Variants in ZCCHC17 observed in about 807,000 individuals in gnomAD.
ZCCHC17 encodes zinc finger CCHC domain-containing protein 17.
Under a neutral mutation model 30.6 loss-of-function variants are expected in ZCCHC17, and 18 were observed. That is an observed-to-expected ratio of 0.59 (90% CI 0.41 to 0.87). The LOEUF is 0.87. ZCCHC17 is among the 40% of genes least tolerant of loss of function. ZCCHC17 has a pLI of 0.00. For synonymous variants in ZCCHC17, 88 were observed against 92.4 expected, an observed-to-expected ratio of 0.95 and a Z score of 0.27; for missense variants, 263 against 284.2, an observed-to-expected ratio of 0.93 and a Z score of 0.54.
intron 5 of ZCCHC17, among the ~76,000 whole-genome samples, chr1:31,341,385 A>G (rs543658806): frequency 1.3e-5 from 2 of 152,330 alleles, no homozygotes; most frequent in African/African-American, 2.4e-5. Flanking sequence ...ATCCAATGCT[A>G]TATGGACTCA....
intron 7 of ZCCHC17, among the ~76,000 whole-genome samples, chr1:31,349,814 G>T: frequency 6.6e-6 from 1 of 152,030 alleles, no homozygotes; most frequent in African/African-American, 2.4e-5. Flanking sequence ...CTACCCTATG[G>T]CTGTATGATG....
intron 1 of ZCCHC17, among the ~76,000 whole-genome samples, chr1:31,297,937 C>T (rs61780093): frequency 5.9e-5 from 9 of 152,180 alleles, no homozygotes; most frequent in Non-Finnish European, 1.2e-4. Context: ...TGAAGCTGTA[C>T]GTGATAGCGG....
At chr1:31,309,495 A>G (rs1569757490) in intron 1 of ZCCHC17, among the ~76,000 whole-genome samples, 1 of 151,932 alleles carries the variant, frequency 6.6e-6, no homozygotes, top group African/African-American at 2.4e-5. Context: ...TTGTATTTTT[A>G]GTAGAGATGG....
At chr1:31,337,352 G>A in intron 4 of ZCCHC17, 77 bp downstream of exon 4, 1 of 1,304,568 alleles carries the variant, frequency 7.7e-7, no homozygotes, top group South Asian at 1.3e-5. Context: ...ATGATAGTGA[G>A]TGTGTAAATT....
At chr1:31,321,702 A>G (rs942084679) in intron 3 of ZCCHC17, among the ~76,000 whole-genome samples, 15 of 152,178 alleles carry the variant, frequency 9.9e-5, no homozygotes, top group Non-Finnish European at 2.1e-4. Context: ...CCTGTCCTCC[A>G]GTAATCTGCC....
chr1:31,352,429 G>A (rs1639500801), intron 7 of ZCCHC17, among the ~76,000 whole-genome samples: 1 of 152,174 alleles, frequency 6.6e-6, no homozygotes, highest in Admixed American at 6.5e-5. Flanking sequence ...AAGTTCATCT[G>A]CATCATAGCA....
chr1:31,329,500 T>C (rs1638493982), intron 3 of ZCCHC17, among the ~76,000 whole-genome samples: 1 of 152,356 alleles, frequency 6.6e-6, no homozygotes, highest in East Asian at 1.9e-4. Flanking sequence ...CAAATAATTA[T>C]TGAGTTCTAT....
intron 2 of ZCCHC17, among the ~76,000 whole-genome samples, chr1:31,315,569 C>T (rs1048386959): frequency 6.6e-6 from 1 of 152,002 alleles, no homozygotes; most frequent in African/African-American, 2.4e-5. Flanking sequence ...TAGCATTGGA[C>T]TAGAAGTAAA....
Position 31,337,256 on chromosome 1 carries a change from T to C in ZCCHC17, c.206T>C (p.Val69Ala). 1.9e-6 allele frequency: 3 copies of C among 1,614,112 alleles called. No individual in the cohort carries two copies. Among genetic ancestry groups the C allele is most frequent in the Non-Finnish European group, 2.5e-6 (3 of 1,179,994 alleles). ...EIVDVGDKVW[V>A]KLIGREMKND... ...GTAGATGTTGGAGATAAAGTGTGGG[T>C]GAAGCTTATTGGCCGAGAGGTAAAG... The change falls in exon 4 of 8, where the codon GTG (valine) becomes GCG (alanine). Residue 69 changes from valine (V) to alanine (A), a missense_variant. Val to Ala is a moderately conservative substitution (Grantham distance 64, BLOSUM62 0). Coordinates refer to ENST00000344147, the MANE Select transcript of ZCCHC17 (RefSeq NM_016505.4).
At chr1:31,335,406 C>T (rs12136523) in intron 3 of ZCCHC17, among the ~76,000 whole-genome samples, 19,974 of 152,202 alleles carry the variant, frequency 0.13, 1,454 homozygotes, top group Non-Finnish European at 0.15. Context: ...GACAAAGTCT[C>T]GCTCTGTCAC....
At chr1:31,302,895 G>A (rs781351078) in intron 1 of ZCCHC17, among the ~76,000 whole-genome samples, 2 of 152,188 alleles carry the variant, frequency 1.3e-5, no homozygotes, top group Non-Finnish European at 2.9e-5. Context: ...CCAACATGTG[G>A]GGATTACAGT....
At chr1:31,342,826 G>C (rs1035270235) in intron 5 of ZCCHC17, among the ~76,000 whole-genome samples, 2 of 152,198 alleles carry the variant, frequency 1.3e-5, no homozygotes, top group African/African-American at 4.8e-5. Context: ...TTGATGGTCA[G>C]AGAATAGGTG....
At chr1:31,347,083 A>G (rs1168157901) in intron 6 of ZCCHC17, among the ~76,000 whole-genome samples, 1 of 152,312 alleles carries the variant, frequency 6.6e-6, no homozygotes, top group Middle Eastern at 3.4e-3. Flanking sequence ...AAGGATGATG[A>G]TTCTGCAAAA....
intron 7 of ZCCHC17, among the ~76,000 whole-genome samples, chr1:31,362,792 AG>A (rs34143418): frequency 6.6e-6 from 1 of 152,200 alleles, no homozygotes; most frequent in African/African-American, 2.4e-5. Context: ...GCTAGTCTTT[AG>A]GGGCGCCTTT....
rs1321999557 is a variant in ZCCHC17, at chr1:31,346,651, G to A, written c.329G>A (p.Arg110Lys). 1 of 1,611,020 alleles carries A rather than the reference G, an allele frequency of 6.2e-7. No individual in the cohort carries two copies. The highest frequency in any genetic ancestry group is 1.3e-5 in the African/African-American group (1 of 74,846). The change falls in exon 6 of 8, where the codon AGG becomes AAG. Residue 110 changes from arginine to lysine, a missense_variant. Physicochemically the swap from Arg to Lys is conservative, Grantham distance 26. Transcript: ENST00000344147. ...PNNVIIEQEERRRRSFQDYTG... is the reference protein window; with the variant it reads ...PNNVIIEQEEKRRRSFQDYTG... The stretch of plus-strand genomic sequence containing the variant: ...CTTTTTCATTATAGGCAAGAAGAGA[G>A]GCGGAGGCGATCCTTCCAGGATTAC...
intron 2 of ZCCHC17, among the ~76,000 whole-genome samples, chr1:31,313,068 CTT>C (rs59004055): frequency 2.4e-4 from 27 of 113,498 alleles, no homozygotes; most frequent in African/African-American, 5.0e-4. Flanking sequence ...CACTGGGCCT[CTT>C]TTTTTTTTTT....
intron 3 of ZCCHC17, among the ~76,000 whole-genome samples, chr1:31,336,854 T>C (rs1175319966): frequency 1.3e-5 from 2 of 150,212 alleles, no homozygotes; most frequent in East Asian, 4.0e-4. Flanking sequence ...TTGTATTTTT[T>C]GTAGAGACTG....
At chr1:31,337,535 G>A (rs1030106547) in intron 4 of ZCCHC17, among the ~76,000 whole-genome samples, 4 of 152,188 alleles carry the variant, frequency 2.6e-5, no homozygotes, top group Non-Finnish European at 4.4e-5. Context: ...TACCCATAGG[G>A]TGGGCCGGAG....
chr1:31,346,348 T>C (rs1639271914), intron 5 of ZCCHC17, among the ~76,000 whole-genome samples: 1 of 152,196 alleles, frequency 6.6e-6, no homozygotes, highest in Non-Finnish European at 1.5e-5. Context: ...CCTTTGAAGG[T>C]CTTTTAAACC....
Sources: gnomAD v4.1 joint callset for allele counts (sites outside exome capture counted in the v4.1 genomes callset) on GRCh38, gnomAD v4.1.1 for gene constraint, MANE v1.5 for transcripts, NCBI Gene and HGNC (gene_info 2026-07-23, HGNC 2026-07-21) for gene names.